The following TMBIM1 variants were observed in gnomAD, a reference collection of about 807,000 sequenced individuals.
The protein encoded by TMBIM1 is transmembrane BAX inhibitor motif containing 1, also known as protein lifeguard 3.
A neutral mutation model predicts 45.1 loss-of-function variants in TMBIM1; 34 were observed. The ratio of observed to expected loss-of-function variants is 0.75; its 90% CI spans 0.57 to 1.00. TMBIM1 has a LOEUF of 1.00. TMBIM1 is among the 50% of genes least tolerant of loss of function. The pLI, the probability that TMBIM1 is intolerant of heterozygous loss-of-function variation, is 0.00. For synonymous variants in TMBIM1, 157 were observed against 153.5 expected, an observed-to-expected ratio of 1.02 and a Z score of -0.17; for missense variants, 374 against 402.4, an observed-to-expected ratio of 0.93 and a Z score of 0.60.
In TMBIM1 at chr2:218,278,905, C is replaced by T. The variant is rs1559502320; in HGVS notation, c.422+133G>A. ...GGGCACGCACACCCACACCCTCTGG[C>T]ACGGGAAACTGGCACCAACTTGGGG... On this transcript the variant is annotated intron_variant, in intron 5 of 11. Coordinates refer to ENST00000258412, the MANE Select transcript of TMBIM1 (RefSeq NM_022152.6). The T allele has an allele frequency of 2.6e-5, 26 of 1,009,558 alleles. No homozygotes were observed. In the South Asian group the frequency reaches 3.9e-4, roughly 15 times the overall value. 62.5% of individuals were successfully genotyped at this position (1,009,558 alleles called of 1,614,324 possible). A position where few individuals can be genotyped will look rare whatever the true frequency, so the allele number is the denominator to read the frequency against.
At position 218,279,331 on chromosome 2, in the gene TMBIM1, T is replaced by C; in HGVS notation, c.326A>G (p.Gln109Arg). 6.3e-7 allele frequency: 1 copy of C among 1,587,034 alleles called. No individual in the cohort carries two copies. Among genetic ancestry groups the C allele is most frequent in the Non-Finnish European group, 8.6e-7 (1 of 1,166,878 alleles). Residue 109 changes from glutamine (Q) to arginine (R), a missense_variant, in exon 4 of 12, where the codon CAG becomes CGG. Gln to Arg is a conservative substitution (Grantham distance 43, BLOSUM62 1). Transcript: ENST00000258412. The part of the protein sequence containing the change: ...IRKVYSIISV[Q>R]LLITVAIIAI... ...AATGATGGCCACAGTGATGAGCAGC[T>C]GCACGGAGATGATGGAGTAAACCTG...
In TMBIM1 at chr2:218,274,412, C is replaced by T. The variant is rs1574620654; in HGVS notation, c.*1063G>A. On this transcript the variant is annotated 3_prime_UTR_variant, in exon 12 of 12. Transcript: ENST00000258412. ...GGCAGTGGCTGGCTGGAGAGATGGG[C>T]CTCAAGTCAGAAATCCCCCAGTGCA... is the stretch of plus-strand genomic sequence containing the variant. The T allele has an allele frequency of 6.5e-6, 1 of 154,630 alleles. No homozygotes were observed. The highest frequency in any genetic ancestry group is 1.5e-5 in the Non-Finnish European group (1 of 68,226). 9.6% of individuals were successfully genotyped at this position (154,630 alleles called of 1,614,324 possible).
rs946878485 is a variant in TMBIM1, at chr2:218,274,700, A to T, written c.*775T>A. 1.3e-5 allele frequency: 2 copies of T among 155,444 alleles called. No individual in the cohort carries two copies. The highest frequency in any genetic ancestry group is 4.8e-5 in the African/African-American group (2 of 41,542). The allele number at this position is 155,444 out of a possible 1,614,324, so 9.6% of individuals were successfully genotyped here. A position where few individuals can be genotyped will look rare whatever the true frequency, so the allele number is the denominator to read the frequency against. On this transcript the variant is annotated 3_prime_UTR_variant, in exon 12 of 12. Transcript: ENST00000258412. ...AAGAGTTCACTCTGACCAGAGATCC[A>T]GAAGCCTGCAAGGAGGCCCCAGCAG...
intron 1 of TMBIM1, among the ~76,000 whole-genome samples, chr2:218,291,821 G>A (rs941721953): frequency 1.3e-5 from 2 of 152,198 alleles, no homozygotes; most frequent in Non-Finnish European, 2.9e-5. Context: ...AACCCAGCCG[G>A]GAAACAGTGG....
At chr2:218,278,348 A>G (rs1691470471) in intron 6 of TMBIM1, 167 bp downstream of exon 6, 1 of 703,748 alleles carries the variant, frequency 1.4e-6, no homozygotes. Context: ...TCCTAAACAC[A>G]CATGGTCCTT....
At chr2:218,276,426 G>A (rs1691218779) in intron 10 of TMBIM1, among the ~76,000 whole-genome samples, 1 of 152,154 alleles carries the variant, frequency 6.6e-6, no homozygotes, top group South Asian at 2.1e-4. Flanking sequence ...GCCTGGGAGG[G>A]GTAGACTAAG....
Position 218,277,990 on chromosome 2 carries a change from A to G in TMBIM1, c.474-16T>C. Reference sequence around the variant, plus strand: ...GAAACGGCGTCTGAAGGGAAAGAGAAGCCTTGATTAAATGACTTGGGGCCC... The same window carrying G: ...GAAACGGCGTCTGAAGGGAAAGAGAGGCCTTGATTAAATGACTTGGGGCCC... On this transcript the variant is annotated splice_polypyrimidine_tract_variant and intron_variant, in intron 6 of 11. Coordinates refer to ENST00000258412, the MANE Select transcript of TMBIM1 (RefSeq NM_022152.6). The G allele has an allele frequency of 6.2e-7, 1 of 1,613,996 alleles. No individual in the cohort carries two copies. The highest frequency in any genetic ancestry group is 8.5e-7 in the Non-Finnish European group (1 of 1,179,964).
At chr2:218,281,867 A>G (rs1692037938) in intron 2 of TMBIM1, 73 bp downstream of exon 2, 2 of 1,153,106 alleles carry the variant, frequency 1.7e-6, no homozygotes, top group African/African-American at 3.1e-5. Flanking sequence ...GAAAAGGGGC[A>G]GGAGGCGGTG....
intron 1 of TMBIM1, among the ~76,000 whole-genome samples, chr2:218,288,070 T>C (rs886929293): frequency 6.6e-5 from 10 of 152,164 alleles, no homozygotes; most frequent in Admixed American, 2.6e-4. Flanking sequence ...TGTCTTTTCA[T>C]TGAACTTCAA....
intron 10 of TMBIM1, among the ~76,000 whole-genome samples, chr2:218,276,617 T>C (rs1237924578): frequency 6.7e-6 from 1 of 149,322 alleles, no homozygotes; most frequent in East Asian, 2.0e-4. Context: ...CTGAACAGAA[T>C]AAAGGAAATA....
At chr2:218,283,065 T>C (rs922720723) in intron 1 of TMBIM1, among the ~76,000 whole-genome samples, 1 of 152,106 alleles carries the variant, frequency 6.6e-6, no homozygotes, top group African/African-American at 2.4e-5. Flanking sequence ...CTACCTGTCT[T>C]CCAGGTGCAG....
intron 5 of TMBIM1, 135 bp from the exon 6 acceptor site, chr2:218,278,700 G>A (rs984860209): frequency 6.3e-6 from 6 of 956,014 alleles, no homozygotes; most frequent in Non-Finnish European, 9.8e-6. Context: ...AAGCAAGAAC[G>A]AGATTACCCC....
intron 7 of TMBIM1, 49 bp from the exon 8 acceptor site, chr2:218,277,719 G>A: frequency 3.7e-6 from 6 of 1,610,506 alleles, no homozygotes; most frequent in Non-Finnish European, 5.1e-6. Context: ...AGGAAGGAAG[G>A]CAGGGTGCTG....
At chr2:218,291,321 G>A (rs1311277487) in intron 1 of TMBIM1, among the ~76,000 whole-genome samples, 1 of 152,170 alleles carries the variant, frequency 6.6e-6, no homozygotes, top group Admixed American at 6.5e-5. Flanking sequence ...GAGAGAGGAG[G>A]CAGGTGAGAA....
chr2:218,277,708 A>G, intron 7 of TMBIM1, 38 bp from the exon 8 acceptor site: 1 of 1,613,480 alleles, frequency 6.2e-7, no homozygotes, highest in Non-Finnish European at 8.5e-7. Flanking sequence ...AACACTTAAA[A>G]AGGAAGGAAG....
At chr2:218,277,805 C>G in intron 7 of TMBIM1, 130 bp downstream of exon 7, 1 of 1,544,318 alleles carries the variant, frequency 6.5e-7, no homozygotes, top group South Asian at 1.1e-5. Flanking sequence ...CAGAGGAGAT[C>G]AGAACAGGCG....
intron 1 of TMBIM1, among the ~76,000 whole-genome samples, chr2:218,287,602 C>G (rs145132238): frequency 2.0e-5 from 3 of 152,104 alleles, no homozygotes; most frequent in African/African-American, 7.2e-5. Context: ...CCCAGCTACT[C>G]GGGAGGCTGA....
intron 6 of TMBIM1, 59 bp downstream of exon 6, chr2:218,278,456 C>CGAGTA (rs1361613486): frequency 1.2e-4 from 188 of 1,542,294 alleles, no homozygotes; most frequent in Non-Finnish European, 4.5e-6. Flanking sequence ...TTCCAAAATA[C>CGAGTA]TCGGCCCCCA....
chr2:218,278,062 G>A (rs921561367), intron 6 of TMBIM1, 88 bp from the exon 7 acceptor site: 71 of 1,457,008 alleles, frequency 4.9e-5, no homozygotes, highest in Non-Finnish European at 5.9e-5. Context: ...CTTGGCTCCT[G>A]TGCCTGGAGG....
Sources: allele counts gnomAD v4.1 joint callset (sites outside exome capture counted in the v4.1 genomes callset), GRCh38; gene constraint gnomAD v4.1.1; transcripts MANE v1.5; gene names NCBI Gene and HGNC (gene_info 2026-07-23, HGNC 2026-07-21).